The following ARK2N variants were observed in gnomAD, a reference collection of about 807,000 sequenced individuals.
ARK2N encodes the protein arkadia (RNF111) N-terminal like PKA signaling regulator 2N.
chr18:46,213,963 C>G, the ARK2N span, among the ~76,000 whole-genome samples: 1 of 152,102 alleles, frequency 6.6e-6, no homozygotes, highest in Admixed American at 6.5e-5. Flanking sequence ...TCCTAAAGTG[C>G]TGGGATAACA....
chr18:46,228,626 T>C, the ARK2N span: 1 of 393,084 alleles, frequency 2.5e-6, no homozygotes. Flanking sequence ...CACTCTGTCA[T>C]CTACACTGGA....
chr18:46,247,104 A>T, the ARK2N span, among the ~76,000 whole-genome samples: 1 of 152,216 alleles, frequency 6.6e-6, no homozygotes, highest in Non-Finnish European at 1.5e-5. Context: ...TGTGGAAGGA[A>T]TATTACTAGT....
the ARK2N span, among the ~76,000 whole-genome samples, chr18:46,260,324 C>A: frequency 6.6e-6 from 1 of 152,136 alleles, no homozygotes. Context: ...TTGGGAATTC[C>A]ATGTACAACT....
At chr18:46,179,185 C>A in the ARK2N span, among the ~76,000 whole-genome samples, 1 of 152,000 alleles carries the variant, frequency 6.6e-6, no homozygotes, top group African/African-American at 2.4e-5. Flanking sequence ...CTCAAGTGAT[C>A]GCCCACCTTG....
the ARK2N span, among the ~76,000 whole-genome samples, chr18:46,242,598 A>G: frequency 1.3e-5 from 2 of 151,686 alleles, no homozygotes; most frequent in Non-Finnish European, 1.5e-5. Flanking sequence ...TGCCAAAGCT[A>G]TCCTAAATTG....
chr18:46,265,330 T>A, the ARK2N span: 1 of 152,644 alleles, frequency 6.6e-6, no homozygotes, highest in Admixed American at 6.5e-5. Context: ...AACCACATAT[T>A]TTTTTTCCCA....
the ARK2N span, among the ~76,000 whole-genome samples, chr18:46,178,501 G>T: frequency 0.017 from 2,653 of 152,240 alleles, 72 homozygotes; most frequent in African/African-American, 0.06. Flanking sequence ...GGTAGAGACA[G>T]GGTTTCACCA....
the ARK2N span, among the ~76,000 whole-genome samples, chr18:46,249,547 G>A: frequency 1.3e-5 from 2 of 152,046 alleles, no homozygotes; most frequent in African/African-American, 4.8e-5. Context: ...TTCTTTCTCC[G>A]TAGTGGCTAC....
At chr18:46,257,834 G>A in the ARK2N span, among the ~76,000 whole-genome samples, 1 of 152,014 alleles carries the variant, frequency 6.6e-6, no homozygotes, top group Non-Finnish European at 1.5e-5. Context: ...TGTTAATCCT[G>A]TGATCATTGG....
the ARK2N span, among the ~76,000 whole-genome samples, chr18:46,201,801 C>T: frequency 8.1e-5 from 12 of 147,992 alleles, no homozygotes; most frequent in Admixed American, 6.1e-4. Flanking sequence ...TTTTTAAGAC[C>T]GAGTCTCACT....
the ARK2N span, among the ~76,000 whole-genome samples, chr18:46,176,555 A>G: frequency 6.6e-6 from 1 of 151,664 alleles, no homozygotes. Flanking sequence ...CCCGAGCTCA[A>G]GCATTCCTCC....
chr18:46,216,918 T>C, the ARK2N span: 4 of 266,324 alleles, frequency 1.5e-5, no homozygotes, highest in Non-Finnish European at 1.4e-5. The surrounding 1 kb of genome is among the most constrained non-coding windows in gnomAD (Gnocchi z 4.3). Context: ...CTGCTTAGAT[T>C]TAATACTCAC....
the ARK2N span, among the ~76,000 whole-genome samples, chr18:46,221,742 G>A: frequency 6.6e-6 from 1 of 151,892 alleles, no homozygotes; most frequent in Non-Finnish European, 1.5e-5. Context: ...TTAATTGCTT[G>A]GCAAATTTTA....
the ARK2N span, among the ~76,000 whole-genome samples, chr18:46,203,747 C>T: frequency 6.6e-6 from 1 of 152,006 alleles, no homozygotes; most frequent in Non-Finnish European, 1.5e-5. Context: ...CTACCATGCC[C>T]AGCTAATTTT....
At chr18:46,245,597 A>G in the ARK2N span, among the ~76,000 whole-genome samples, 1 of 151,704 alleles carries the variant, frequency 6.6e-6, no homozygotes, top group Non-Finnish European at 1.5e-5. Flanking sequence ...AAGAAAGAAA[A>G]AAAGAACTAA....
the ARK2N span, among the ~76,000 whole-genome samples, chr18:46,199,948 G>A: frequency 1.3e-5 from 2 of 152,222 alleles, no homozygotes; most frequent in Non-Finnish European, 2.9e-5. Flanking sequence ...TTTCTAGCTC[G>A]TTGTTTCTTG....
the ARK2N span, among the ~76,000 whole-genome samples, chr18:46,180,729 A>G: frequency 6.6e-6 from 1 of 151,990 alleles, no homozygotes; most frequent in African/African-American, 2.4e-5. Flanking sequence ...AATAAAAACA[A>G]AACAAGCAAG....
At chr18:46,204,647 G>A in the ARK2N span, among the ~76,000 whole-genome samples, 53 of 152,124 alleles carry the variant, frequency 3.5e-4, no homozygotes, top group African/African-American at 1.2e-3. Context: ...TACAATTCTA[G>A]GTTGGTAATA....
the ARK2N span, among the ~76,000 whole-genome samples, chr18:46,237,172 T>A: frequency 6.6e-6 from 1 of 152,066 alleles, no homozygotes; most frequent in Non-Finnish European, 1.5e-5. Flanking sequence ...CAGCTTCTGT[T>A]AATAATGTGC....
Sources: allele counts gnomAD v4.1 joint callset (sites outside exome capture counted in the v4.1 genomes callset), GRCh38; gene constraint gnomAD v4.1.1; non-coding constraint Gnocchi (gnomAD v3.1); transcripts MANE v1.5; gene names NCBI Gene and HGNC (gene_info 2026-07-23, HGNC 2026-07-21).